PMFBP1: variants seen among roughly 807,000 people sequenced by gnomAD.
The protein encoded by PMFBP1 is polyamine-modulated factor 1-binding protein 1.
Under a neutral mutation model 137.8 loss-of-function variants are expected in PMFBP1, and 131 were observed. That is an observed-to-expected ratio of 0.95 (90% CI 0.82 to 1.10). The LOEUF (loss-of-function observed/expected upper bound fraction) is 1.10, where lower values mean the gene tolerates loss of function less well. Ranked by LOEUF, PMFBP1 falls within the 50% of genes least tolerant of loss-of-function variation. The pLI, the probability that PMFBP1 is intolerant of heterozygous loss-of-function variation, is 0.00. For synonymous variants in PMFBP1, 490 were observed against 450.4 expected (o/e 1.09, Z -1.11); for missense variants, 1,199 against 1,175.4 (o/e 1.02, Z -0.29).
chr16:72,161,388 GCGCCCGGCCTTAT>G (rs1567640088), intron 3 of PMFBP1, among the ~76,000 whole-genome samples: 1 of 151,978 alleles, frequency 6.6e-6, no homozygotes, highest in African/African-American at 2.4e-5. Flanking sequence ...TTGAGCCACC[GCGCCCGGCCTTAT>G]CTGTTATTTC....
At chr16:72,156,261 A>T (rs1359561596) in intron 3 of PMFBP1, among the ~76,000 whole-genome samples, 1 of 151,844 alleles carries the variant, frequency 6.6e-6, no homozygotes, top group East Asian at 2.0e-4. Context: ...TGCTGGGATT[A>T]CAGGTGTGAG....
the PMFBP1 span, among the ~76,000 whole-genome samples, chr16:72,204,483 G>T: frequency 6.6e-6 from 1 of 152,088 alleles, no homozygotes; most frequent in South Asian, 2.1e-4. Context: ...GATTACAGGC[G>T]TGAGCCACCA....
intron 6 of PMFBP1, 137 bp downstream of exon 6, chr16:72,140,275 T>TG: frequency 1.2e-6 from 1 of 860,714 alleles, no homozygotes; most frequent in South Asian, 1.7e-5. Flanking sequence ...TGAACAAAGT[T>TG]GGGGGGCAAG....
At chr16:72,139,532 G>A in intron 6 of PMFBP1, 133 bp from the exon 7 acceptor site, 2 of 727,360 alleles carry the variant, frequency 2.7e-6, no homozygotes, top group Non-Finnish European at 4.8e-6. Context: ...GGCATTCCCT[G>A]TGGGGTAGGT....
At position 72,139,390 on chromosome 16, in the gene PMFBP1, G is replaced by T; in HGVS notation, c.817C>A (p.Arg273Ser). The change falls in exon 7 of 21, where the codon CGT (arginine) becomes AGT (serine). Residue 273 changes from arginine to serine, a missense_variant. Coordinates refer to ENST00000237353, the MANE Select transcript of PMFBP1 (RefSeq NM_031293.3). Reference protein sequence around the residue: ...LACSNALVLEREKALIKLQAD... With the variant: ...LACSNALVLESEKALIKLQAD... ...TGTAGTTTTATCAAAGCCTTTTCAC[G>T]CTCCAGAACCTGCAAATAAGCTTAG... The T allele has an allele frequency of 6.2e-7, 1 of 1,613,244 alleles. No homozygotes were observed. Among genetic ancestry groups the T allele is most frequent in the Non-Finnish European group, 8.5e-7 (1 of 1,179,432 alleles).
chr16:72,197,141 A>G, the PMFBP1 span, among the ~76,000 whole-genome samples: 1 of 152,208 alleles, frequency 6.6e-6, no homozygotes, highest in Non-Finnish European at 1.5e-5. Flanking sequence ...AGAAGCCACA[A>G]TGCAAAAGAA....
chr16:72,118,332 C>T (rs987523202), downstream of PMFBP1, among the ~76,000 whole-genome samples: 1 of 152,312 alleles, frequency 6.6e-6, no homozygotes, highest in Non-Finnish European at 1.5e-5. Context: ...ACCAGAGATG[C>T]CTGTCACTCC....
chr16:72,243,176 T>C, the PMFBP1 span, among the ~76,000 whole-genome samples: 5 of 152,382 alleles, frequency 3.3e-5, no homozygotes, highest in South Asian at 1.0e-3. Flanking sequence ...TAGGTGGATC[T>C]TCCTGCCAAA....
chr16:72,215,667 C>T, the PMFBP1 span, among the ~76,000 whole-genome samples: 74 of 152,202 alleles, frequency 4.9e-4, no homozygotes, highest in African/African-American at 1.8e-3. Flanking sequence ...ACACAGGAGG[C>T]AACAGTGAAC....
chr16:72,118,763 C>T (rs796514581), downstream of PMFBP1, among the ~76,000 whole-genome samples: 13 of 134,180 alleles, frequency 9.7e-5, no homozygotes, highest in Non-Finnish European at 1.5e-4. Flanking sequence ...CGGTGGTGGG[C>T]GGGGGGGCAG....
At chr16:72,150,456 A>C (rs2042884310) in intron 5 of PMFBP1, 152 bp downstream of exon 5, 1 of 719,448 alleles carries the variant, frequency 1.4e-6, no homozygotes, top group East Asian at 2.5e-5. Flanking sequence ...TGAAAGCTGG[A>C]GGTTCAAAAG....
At chr16:72,180,285 T>A (rs1482526809), upstream of PMFBP1, among the ~76,000 whole-genome samples, 1 of 152,222 alleles carries the variant, frequency 6.6e-6, no homozygotes, top group Non-Finnish European at 1.5e-5. Flanking sequence ...TCCACAATCC[T>A]GCTTTTCTGC....
At chr16:72,240,942 C>T in the PMFBP1 span, among the ~76,000 whole-genome samples, 23 of 149,264 alleles carry the variant, frequency 1.5e-4, no homozygotes, top group South Asian at 4.7e-3. Context: ...ACAGGGAGAG[C>T]GTGCAAGAGA....
the PMFBP1 span, among the ~76,000 whole-genome samples, chr16:72,204,431 G>T: frequency 6.6e-6 from 1 of 152,090 alleles, no homozygotes; most frequent in East Asian, 1.9e-4. Flanking sequence ...CAAAACTCCT[G>T]GGCTCGAGCA....
intron 14 of PMFBP1, 68 bp from the exon 15 acceptor site, chr16:72,126,200 T>C (rs553831331): frequency 1.7e-5 from 26 of 1,544,350 alleles, no homozygotes; most frequent in Admixed American, 9.7e-5. Flanking sequence ...TCTGTGCCTA[T>C]AGGAAATGAA....
Position 72,140,531 on chromosome 16 carries a change from A to G in PMFBP1, c.688T>C (p.Cys230Arg). ...HSKVRIYTSP[C>R]MIQEHQETQK... ...GTCTCCTGATGCTCTTGAATCATGC[A>G]AGGAGAAGTGTATATCCGTACCTTT... Residue 230 changes from cysteine to arginine, a missense_variant, in exon 6 of 21, where the codon TGC becomes CGC. Physicochemically the swap from Cys to Arg is radical, Grantham distance 180. Transcript: ENST00000237353. The G allele has an allele frequency of 6.2e-7, 1 of 1,613,528 alleles. No homozygotes were observed. The highest frequency in any genetic ancestry group is 8.5e-7 in the Non-Finnish European group (1 of 1,179,464).
the PMFBP1 span, among the ~76,000 whole-genome samples, chr16:72,246,506 T>C: frequency 1.3e-5 from 2 of 151,960 alleles, no homozygotes; most frequent in East Asian, 3.9e-4. Flanking sequence ...TTTCGTGCCT[T>C]AATGTCCTCA....
the PMFBP1 span, among the ~76,000 whole-genome samples, chr16:72,234,408 C>T: frequency 1.2e-4 from 18 of 152,184 alleles, no homozygotes; most frequent in South Asian, 2.1e-4. Context: ...TTAGTGTCCC[C>T]GAGTTGACCT....
At chr16:72,236,396 CAAGA>C in the PMFBP1 span, among the ~76,000 whole-genome samples, 1 of 152,098 alleles carries the variant, frequency 6.6e-6, no homozygotes, top group African/African-American at 2.4e-5. Flanking sequence ...CAAGGTACTA[CAAGA>C]AAGAGAGAGC....
Sources: gnomAD v4.1 joint callset for allele counts (sites outside exome capture counted in the v4.1 genomes callset) on GRCh38, gnomAD v4.1.1 for gene constraint, MANE v1.5 for transcripts, NCBI Gene and HGNC (gene_info 2026-07-23, HGNC 2026-07-21) for gene names.